CDH12: variants seen among roughly 807,000 people sequenced by gnomAD.
CDH12 encodes the protein cadherin-12.
CDH12 carries 41 observed loss-of-function variants against 74.1 expected under a neutral mutation model. The ratio of observed to expected loss-of-function variants is 0.55; its 90% CI spans 0.43 to 0.72. The LOEUF is 0.72. Ranked by LOEUF, CDH12 falls within the 30% of genes least tolerant of loss-of-function variation. The pLI is 0.00. For synonymous variants in CDH12, 399 were observed against 355.0 expected (o/e 1.12, Z -1.39); for missense variants, 945 against 977.2 (o/e 0.97, Z 0.44).
In CDH12 at chr5:21,817,137, T is replaced by C. The variant is rs772425182; in HGVS notation, c.815-5A>G. 40 of 1,591,864 alleles carry C rather than the reference T, an allele frequency of 2.5e-5. No individual in the cohort carries two copies. The highest frequency in any genetic ancestry group is 3.3e-5 in the Non-Finnish European group (39 of 1,168,562). ...GAACTTTCAAGTGGAAGATGCCTGA[T>C]AAGACATATAAAATTTGAATTGACA... On this transcript the variant is annotated splice_region_variant and splice_polypyrimidine_tract_variant and intron_variant, in intron 8 of 14. Coordinates refer to ENST00000382254, the MANE Select transcript of CDH12 (RefSeq NM_004061.5).
At chr5:21,930,016 G>A (rs1470583942) in intron 6 of CDH12, among the ~76,000 whole-genome samples, 1 of 152,088 alleles carries the variant, frequency 6.6e-6, no homozygotes, top group Non-Finnish European at 1.5e-5. Flanking sequence ...TCCATTTACT[G>A]TTATTTTGGT....
intron 5 of CDH12, among the ~76,000 whole-genome samples, chr5:21,985,328 T>C (rs1050008552): frequency 2.0e-5 from 3 of 152,106 alleles, no homozygotes; most frequent in African/African-American, 7.2e-5. Context: ...AGCAATCACA[T>C]AAAGGTCTGT....
intron 4 of CDH12, among the ~76,000 whole-genome samples, chr5:22,099,181 AT>A (rs1484285220): frequency 6.6e-6 from 1 of 152,178 alleles, no homozygotes; most frequent in East Asian, 1.9e-4. Context: ...CACCACTGTC[AT>A]TTCTTCCCTT....
At chr5:22,776,949 C>T (rs917884526) in intron 1 of CDH12, among the ~76,000 whole-genome samples, 4 of 152,054 alleles carry the variant, frequency 2.6e-5, no homozygotes. Flanking sequence ...TTCCCACAAC[C>T]CTAAACATGT....
intron 1 of CDH12, among the ~76,000 whole-genome samples, chr5:22,698,111 T>G (rs975790213): frequency 1.5e-5 from 2 of 137,710 alleles, no homozygotes; most frequent in African/African-American, 5.4e-5. Context: ...AATGCCCGCA[T>G]AAAGGCAGGG....
intron 4 of CDH12, among the ~76,000 whole-genome samples, chr5:22,204,162 G>GGTTTTTTTTTTTT: frequency 7.7e-6 from 1 of 129,844 alleles, no homozygotes; most frequent in Non-Finnish European, 1.7e-5. Context: ...TGTTTTGTTT[G>GGTTTTTTTTTTTT]TTTTTTTTTT....
At chr5:22,626,920 G>T (rs1485217114) in intron 1 of CDH12, among the ~76,000 whole-genome samples, 1 of 151,988 alleles carries the variant, frequency 6.6e-6, no homozygotes, top group Non-Finnish European at 1.5e-5. Context: ...TGATGTGAGA[G>T]AACTTAAAAA....
intron 1 of CDH12, among the ~76,000 whole-genome samples, chr5:22,681,205 C>A (rs1741465019): frequency 6.7e-6 from 1 of 148,878 alleles, no homozygotes. Flanking sequence ...TATGTAAAAT[C>A]ATTAAGCTCC....
At chr5:22,238,839 G>C (rs936154876) in intron 3 of CDH12, among the ~76,000 whole-genome samples, 1 of 152,120 alleles carries the variant, frequency 6.6e-6, no homozygotes, top group Middle Eastern at 3.2e-3. Flanking sequence ...TTGGGCTTTA[G>C]GGAAAGCTCC....
At chr5:22,141,688 A>G (rs1247482173) in intron 4 of CDH12, among the ~76,000 whole-genome samples, 1 of 152,198 alleles carries the variant, frequency 6.6e-6, no homozygotes, top group Non-Finnish European at 1.5e-5. Context: ...TGGTGAAAAC[A>G]AACAGAATAG....
intron 1 of CDH12, among the ~76,000 whole-genome samples, chr5:22,765,388 T>G (rs1010440002): frequency 6.6e-6 from 1 of 152,002 alleles, no homozygotes; most frequent in East Asian, 1.9e-4. Flanking sequence ...TCATTACTTA[T>G]GTAAGAAATT....
intron 1 of CDH12, among the ~76,000 whole-genome samples, chr5:22,588,022 T>G (rs759970952): frequency 2.7e-4 from 41 of 149,450 alleles, no homozygotes; most frequent in African/African-American, 9.7e-4. Context: ...AATATATCCA[T>G]ATTATATATA....
rs1741546595 is a variant in CDH12, at chr5:22,682,493, A to G, written c.-523+170565T>C. Among the ~76,000 whole-genome samples, 5 of 152,100 alleles carry G rather than the reference A, an allele frequency of 3.3e-5. No homozygotes were observed. In the South Asian group the frequency reaches 1.0e-3, roughly 31 times the overall value. ...TGGTCTCTTATATGGTAACTTGTAT[A>G]CAACAGAGATTCTATTTAAAATTTT... On this transcript the variant is annotated intron_variant, in intron 1 of 14. Transcript: ENST00000382254.
chr5:22,401,531 C>G (rs1054677806), intron 3 of CDH12, among the ~76,000 whole-genome samples: 1 of 152,106 alleles, frequency 6.6e-6, no homozygotes, highest in Non-Finnish European at 1.5e-5. Flanking sequence ...CAGCACTCAT[C>G]TAAACTAGTA....
chr5:22,682,521 G>A (rs1424085764), intron 1 of CDH12, among the ~76,000 whole-genome samples: 1 of 151,964 alleles, frequency 6.6e-6, no homozygotes, highest in Non-Finnish European at 1.5e-5. Flanking sequence ...AAAATTTTAA[G>A]TGTATATTAC....
chr5:22,263,478 T>C (rs1485391389), intron 3 of CDH12, among the ~76,000 whole-genome samples: 1 of 152,096 alleles, frequency 6.6e-6, no homozygotes, highest in Non-Finnish European at 1.5e-5. Context: ...GTTAGGAATG[T>C]ATTAGTAAGT....
In CDH12 at chr5:22,809,087, C is replaced by CA. The variant is rs201395105; in HGVS notation, c.-523+43970dup. 3.8e-3 allele frequency among the ~76,000 whole-genome samples: 521 copies of CA among 137,704 alleles called. 1 individual carries two copies. Among genetic ancestry groups the CA allele is most frequent in the East Asian group, 0.03 (144 of 4,774 alleles). 90.3% of individuals were successfully genotyped at this position (137,704 alleles called of 152,430 possible). Reference sequence around the variant, plus strand: ...TAAATTATTCAAAGTTCGTTGAAGGCAAAAAAAAAAACTGTGTAATAAAAT... The same window carrying CA: ...TAAATTATTCAAAGTTCGTTGAAGGCAAAAAAAAAAAACTGTGTAATAAAAT... On this transcript the variant is annotated intron_variant, in intron 1 of 14. Transcript: ENST00000382254.
intron 4 of CDH12, among the ~76,000 whole-genome samples, chr5:22,191,739 T>C (rs10941938): frequency 0.028 from 4,188 of 151,040 alleles, 88 homozygotes; most frequent in African/African-American, 0.056. Flanking sequence ...TAATTTTTTG[T>C]ATTTTTAGTA....
At chr5:22,398,911 C>T (rs1254568880) in intron 3 of CDH12, among the ~76,000 whole-genome samples, 2 of 152,056 alleles carry the variant, frequency 1.3e-5, no homozygotes, top group African/African-American at 2.4e-5. Context: ...GTAGAGACCC[C>T]TCTATGTGCA....
Sources: gnomAD v4.1 joint callset for allele counts (sites outside exome capture counted in the v4.1 genomes callset) on GRCh38, gnomAD v4.1.1 for gene constraint, MANE v1.5 for transcripts, NCBI Gene and HGNC (gene_info 2026-07-23, HGNC 2026-07-21) for gene names.